C5orf58: variants seen among roughly 807,000 people sequenced by gnomAD.
C5orf58 encodes the protein chromosome 5 open reading frame 58.
A neutral mutation model predicts 2.9 loss-of-function variants in C5orf58; 2 were observed. The ratio of observed to expected loss-of-function variants is 0.69; its 90% CI spans 0.28 to 2.18. The LOEUF is 2.18. C5orf58 is among the 30% of genes most tolerant of loss of function. C5orf58 has a pLI of 0.13. For missense variants in C5orf58, 96 were observed against 91.7 expected, an observed-to-expected ratio of 1.05 and a Z score of -0.19; for synonymous variants, 37 against 33.4, an observed-to-expected ratio of 1.11 and a Z score of -0.37.
chr5:170,239,528 TAA>T (rs796893069), intron 3 of C5orf58, among the ~76,000 whole-genome samples: 1 of 145,942 alleles, frequency 6.9e-6, no homozygotes, highest in Admixed American at 6.8e-5. Context: ...AAGTGAGCTA[TAA>T]AAAAAAAAAA....
At chr5:170,238,863 T>G (rs1367978846) in intron 3 of C5orf58, among the ~76,000 whole-genome samples, 2 of 152,188 alleles carry the variant, frequency 1.3e-5, no homozygotes, top group African/African-American at 4.8e-5. Flanking sequence ...ACATATAATT[T>G]TATTCCCTCT....
At chr5:170,250,844 T>G (rs777214916), downstream of C5orf58, 18 of 1,613,516 alleles carry the variant, frequency 1.1e-5, no homozygotes, top group East Asian at 4.5e-5. Flanking sequence ...ATGGATTGGT[T>G]GTTGTTTTTT....
chr5:170,250,000 AT>A (rs140096024), downstream of C5orf58, among the ~76,000 whole-genome samples: 1 of 151,982 alleles, frequency 6.6e-6, no homozygotes, highest in South Asian at 2.1e-4. Flanking sequence ...ACAAGCATGC[AT>A]TTTTTTTCTA....
chr5:170,234,199 G>C lies in C5orf58; in HGVS notation c.-1+1G>C. The C allele has an allele frequency of 1.5e-6, 2 of 1,366,362 alleles. No individual in the cohort carries two copies. The highest frequency in any genetic ancestry group is 9.8e-7 in the Non-Finnish European group (1 of 1,020,662). 84.6% of individuals were successfully genotyped at this position (1,366,362 alleles called of 1,614,324 possible). ...GGTAGAGGCAAGGATTGACTTAAAG[G>C]TTAGTTTGTTTTCATTATTTTGGAC... On this transcript the variant is annotated splice_donor_variant, in intron 2 of 3. Coordinates refer to ENST00000593851, the MANE Select transcript of C5orf58 (RefSeq NM_001102609.3). LOFTEE classifies it low-confidence loss of function (5UTR_SPLICE).
At chr5:170,247,959 A>T (rs1032255446), downstream of C5orf58, 4 of 152,192 alleles carry the variant, frequency 2.6e-5, no homozygotes, top group African/African-American at 4.8e-5. Flanking sequence ...CCCACGATAC[A>T]CCAAAGTCTC....
chr5:170,248,695 TGCTATG>T, downstream of C5orf58: 1 of 1,611,770 alleles, frequency 6.2e-7, no homozygotes, highest in Non-Finnish European at 8.5e-7. Context: ...GGCTATAACT[TGCTATG>T]GGTACCCTGC....
At chr5:170,233,806 C>T (rs1760623881) in intron 1 of C5orf58, 4 of 310,248 alleles carry the variant, frequency 1.3e-5, no homozygotes, top group Admixed American at 4.7e-5. Flanking sequence ...GTGTAGCACC[C>T]CACTGTGCCC....
At chr5:170,247,486 C>G (rs1408895000), downstream of C5orf58, 1 of 152,138 alleles carries the variant, frequency 6.6e-6, no homozygotes, top group Non-Finnish European at 1.5e-5. Context: ...AGCAGAGACG[C>G]CAAAAATTGT....
exon 3 of C5orf58, chr5:170,252,165 A>G (rs1239391760): frequency 1.1e-5 from 3 of 281,354 alleles, no homozygotes; most frequent in Non-Finnish European, 1.4e-5. Flanking sequence ...ATGACAAGAC[A>G]GACTCTTTCA....
intron 3 of C5orf58, among the ~76,000 whole-genome samples, chr5:170,240,098 C>T (rs1283283465): frequency 3.3e-5 from 5 of 150,634 alleles, no homozygotes; most frequent in Non-Finnish European, 7.4e-5. Context: ...CTACAAAGGA[C>T]ATGAACTCAT....
In C5orf58 at chr5:170,245,978, G is replaced by A; in HGVS notation, c.111G>A (p.Leu37=). 6.2e-7 allele frequency: 1 copy of A among 1,613,308 alleles called. No individual in the cohort carries two copies. The highest frequency in any genetic ancestry group is 8.5e-7 in the Non-Finnish European group (1 of 1,179,596). Residue 37 remains leucine, a synonymous_variant, in exon 4 of 4, where the codon TTG becomes TTA. Transcript: ENST00000593851. ...LKKIKELSQL[L]LCDLILHFNH... ...TTTGCACAGAGCTCTCCCAGTTATTGCTTTGTGACCTTATCCTACATTTTA... is the reference window on the plus strand; with the variant it reads ...TTTGCACAGAGCTCTCCCAGTTATTACTTTGTGACCTTATCCTACATTTTA...
At chr5:170,252,253 T>C, downstream of C5orf58, 1 of 412,710 alleles carries the variant, frequency 2.4e-6, no homozygotes, top group East Asian at 3.5e-5. Flanking sequence ...TTCCCGAGCC[T>C]AGGAATCCCT....
At chr5:170,236,278 A>G (rs1311544393) in intron 3 of C5orf58, among the ~76,000 whole-genome samples, 1 of 152,022 alleles carries the variant, frequency 6.6e-6, no homozygotes, top group Non-Finnish European at 1.5e-5. Flanking sequence ...TGCTTTTTCC[A>G]TGTGTTCTCC....
chr5:170,244,615 G>A (rs1761171637), intron 3 of C5orf58, among the ~76,000 whole-genome samples: 1 of 151,900 alleles, frequency 6.6e-6, no homozygotes, highest in Non-Finnish European at 1.5e-5. Flanking sequence ...CTCGAGCCTT[G>A]GTTTTCAGCT....
chr5:170,250,439 T>C (rs1298836369), downstream of C5orf58, among the ~76,000 whole-genome samples: 1 of 152,262 alleles, frequency 6.6e-6, no homozygotes, highest in African/African-American at 2.4e-5. Context: ...GTGGGAACTT[T>C]CCTTTGACAC....
intron 3 of C5orf58, 48 bp from the exon 4 acceptor site, chr5:170,245,914 T>TA: frequency 6.5e-7 from 1 of 1,541,810 alleles, no homozygotes; most frequent in Non-Finnish European, 8.8e-7. Flanking sequence ...AATAGTTTTT[T>TA]ATGACATATG....
chr5:170,237,718 C>T (rs545514590), intron 3 of C5orf58, among the ~76,000 whole-genome samples: 15 of 152,274 alleles, frequency 9.9e-5, no homozygotes, highest in African/African-American at 3.6e-4. Context: ...TTGTAGATCC[C>T]TGAGGTCTCT....
Position 170,234,103 on chromosome 5 carries a change from A to G in C5orf58, c.-84-12A>G, listed in dbSNP as rs1581032452. The G allele has an allele frequency of 1.5e-6, 2 of 1,361,182 alleles. 1 individual carries two copies. Among genetic ancestry groups the G allele is most frequent in the Middle Eastern group, 4.2e-4 (2 of 4,756 alleles). The allele number at this position is 1,361,182 out of a possible 1,614,324, so 84.3% of individuals were successfully genotyped here. Reference sequence around the variant, plus strand: ...AAAGCGCATTTTATTAATGTCTGGGAAACAAAATTAGTTTTTTTACAGTGG... The same window carrying G: ...AAAGCGCATTTTATTAATGTCTGGGGAACAAAATTAGTTTTTTTACAGTGG... On this transcript the variant is annotated splice_polypyrimidine_tract_variant and intron_variant, in intron 1 of 3. Coordinates refer to ENST00000593851, the MANE Select transcript of C5orf58 (RefSeq NM_001102609.3).
At chr5:170,240,604 C>T (rs1459823203) in intron 3 of C5orf58, among the ~76,000 whole-genome samples, 64 of 151,854 alleles carry the variant, frequency 4.2e-4, no homozygotes, top group Admixed American at 9.2e-4. Flanking sequence ...TGTCCTTCGC[C>T]CACTTTTTGA....
Sources: gnomAD v4.1 joint callset for allele counts (sites outside exome capture counted in the v4.1 genomes callset) on GRCh38, gnomAD v4.1.1 for gene constraint, MANE v1.5 for transcripts, NCBI Gene and HGNC (gene_info 2026-07-23, HGNC 2026-07-21) for gene names.